Variants in MYRFL observed in about 807,000 individuals in gnomAD.
MYRFL encodes the protein myelin regulatory factor-like protein.
In MYRFL, 88 loss-of-function variants were observed where a neutral mutation model predicts 109.4. That is an observed-to-expected ratio of 0.80 (90% CI 0.68 to 0.96). The LOEUF is 0.96. MYRFL is among the 40% of genes least tolerant of loss of function. The pLI is 0.00. For synonymous variants in MYRFL, 324 were observed against 320.9 expected, an observed-to-expected ratio of 1.01 and a Z score of -0.10; for missense variants, 957 against 954.9, an observed-to-expected ratio of 1.00 and a Z score of -0.03.
intron 9 of MYRFL, among the ~76,000 whole-genome samples, chr12:69,895,917 G>A (rs945513679): frequency 7.2e-5 from 11 of 152,120 alleles, no homozygotes; most frequent in Non-Finnish European, 1.5e-4. Context: ...GTGTGGTTCC[G>A]GGACTAGCAG....
At chr12:69,858,181 C>T (rs1050864091) in intron 2 of MYRFL, among the ~76,000 whole-genome samples, 1 of 151,728 alleles carries the variant, frequency 6.6e-6, no homozygotes, top group Non-Finnish European at 1.5e-5. Flanking sequence ...TATTGAACTG[C>T]CTTGTATTCC....
At chr12:69,848,841 T>C (rs1471505059) in intron 1 of MYRFL, among the ~76,000 whole-genome samples, 2 of 152,212 alleles carry the variant, frequency 1.3e-5, no homozygotes, top group Non-Finnish European at 2.9e-5. Flanking sequence ...TTCTAAATCA[T>C]TAAACATGAC....
intron 2 of MYRFL, among the ~76,000 whole-genome samples, chr12:69,865,328 G>A (rs1349292533): frequency 6.6e-6 from 1 of 152,176 alleles, no homozygotes; most frequent in Non-Finnish European, 1.5e-5. Context: ...AGGAAACCCA[G>A]CAGGGTCTGT....
rs1234273774 is a variant in MYRFL at position 69,891,122 on chromosome 12, C to G, written c.859C>G (p.Leu287Val). 14 of 1,531,134 alleles carry G rather than the reference C, an allele frequency of 9.1e-6. No homozygotes were observed. Among genetic ancestry groups the G allele is most frequent in the Non-Finnish European group, 1.2e-5 (14 of 1,145,184 alleles). 94.8% of individuals were successfully genotyped at this position (1,531,134 alleles called of 1,614,324 possible). A position where few individuals can be genotyped will look rare whatever the true frequency, so the allele number is the denominator to read the frequency against. The change falls in exon 7 of 25, where the codon CTA becomes GTA. Residue 287 changes from leucine (L) to valine (V), a missense_variant. Leu to Val is a conservative substitution (Grantham distance 32, BLOSUM62 1). Coordinates refer to ENST00000552032, the MANE Select transcript of MYRFL (RefSeq NM_182530.3). ...AAAATTTGTTGAAACCGAGATGGGC[C>G]TAAAGCCAATAGAAATGTTTTACTT... ...SPKFVETEMG[L>V]KPIEMFYLKV...
In MYRFL at chr12:69,944,604, C is replaced by A. The variant is rs567140757; in HGVS notation, c.2225-7509C>A. On this transcript the variant is annotated intron_variant, in intron 19 of 24. Transcript: ENST00000552032. ...AGGCTAGATGACGAGTTAGTGGGTGCAGCACACCAGCATGGCACATGTATA... is the reference window on the plus strand; with the variant it reads ...AGGCTAGATGACGAGTTAGTGGGTGAAGCACACCAGCATGGCACATGTATA... 2.6e-5 allele frequency among the ~76,000 whole-genome samples: 4 copies of A among 151,070 alleles called. No individual in the cohort carries two copies. In the South Asian group the frequency reaches 8.4e-4, roughly 32 times the overall value.
chr12:69,936,481 G>A lies in MYRFL; in HGVS notation c.2073G>A (p.Pro691=), dbSNP rs771661387. Residue 691 remains proline (P), a synonymous_variant, in exon 19 of 25, where the codon CCG becomes CCA. Transcript: ENST00000552032. The part of the protein sequence containing the change: ...SAPNTSLVTT[P]ASLQVPEITF... Reference sequence around the variant, plus strand: ...CTAATACATCCCTGGTAACCACACCGGCCTCCTTACAAGTACCTGAAATTA... The same window carrying A: ...CTAATACATCCCTGGTAACCACACCAGCCTCCTTACAAGTACCTGAAATTA... The A allele has an allele frequency of 6.3e-5, 96 of 1,535,604 alleles. No individual in the cohort carries two copies. Among genetic ancestry groups the A allele is most frequent in the Non-Finnish European group, 4.6e-5 (53 of 1,146,790 alleles).
At chr12:69,845,945 A>G (rs538444044) in intron 1 of MYRFL, among the ~76,000 whole-genome samples, 2 of 152,114 alleles carry the variant, frequency 1.3e-5, no homozygotes, top group African/African-American at 4.8e-5. Context: ...TGCTCTTGAC[A>G]CCCTTCTAAA....
intron 16 of MYRFL, 39 bp from the exon 17 acceptor site, chr12:69,936,074 T>A (rs1388995789): frequency 1.4e-6 from 2 of 1,446,254 alleles, no homozygotes; most frequent in Admixed American, 5.3e-5. Flanking sequence ...ATCTGCCACA[T>A]AATGTTTTTT....
intron 8 of MYRFL, 56 bp downstream of exon 8, chr12:69,893,896 T>C (rs1887060811): frequency 5.8e-6 from 4 of 684,548 alleles, no homozygotes; most frequent in African/African-American, 5.7e-5. Context: ...AACACCTACT[T>C]TGTTTTTTAT....
intron 19 of MYRFL, among the ~76,000 whole-genome samples, chr12:69,945,986 CAAAAAAAAAAA>C (rs56988555): frequency 1.7e-4 from 7 of 42,340 alleles, no homozygotes; most frequent in African/African-American, 4.5e-4. Flanking sequence ...GACTCCGTCT[CAAAAAAAAAAA>C]AAAAAAAAAA....
Position 69,881,991 on chromosome 12 carries a change from C to CAAGTCACTCAAACCTTCCAAG in MYRFL, c.556+1702_556+1722dup, listed in dbSNP as rs1886147757. 1.3e-5 allele frequency among the ~76,000 whole-genome samples: 2 copies of CAAGTCACTCAAACCTTCCAAG among 152,162 alleles called. 1 individual carries two copies. The highest frequency in any genetic ancestry group is 4.1e-4 in the South Asian group (2 of 4,830). On this transcript the variant is annotated intron_variant, in intron 5 of 24. Coordinates refer to ENST00000552032, the MANE Select transcript of MYRFL (RefSeq NM_182530.3). ...CGCTAGCTCACTAAGGGATACAGGA[C>CAAGTCACTCAAACCTTCCAAG]AAGTCACTCAAACCTTCCAAGAATT...
At chr12:69,921,285 C>A (rs900507916) in intron 13 of MYRFL, among the ~76,000 whole-genome samples, 1 of 152,044 alleles carries the variant, frequency 6.6e-6, no homozygotes, top group Non-Finnish European at 1.5e-5. Flanking sequence ...TCAAGCAGTC[C>A]TCCCACCCTG....
intron 13 of MYRFL, among the ~76,000 whole-genome samples, chr12:69,917,922 A>G (rs1348308859): frequency 6.7e-6 from 1 of 149,660 alleles, no homozygotes; most frequent in African/African-American, 2.5e-5. Flanking sequence ...AAAAAAGTCC[A>G]GAAGGTGACT....
At chr12:69,915,478 C>A (rs951231485) in intron 13 of MYRFL, among the ~76,000 whole-genome samples, 2 of 152,246 alleles carry the variant, frequency 1.3e-5, no homozygotes, top group East Asian at 1.9e-4. Context: ...TACCTCACAA[C>A]CTGATGCCAA....
chr12:69,843,181 C>G (rs935607955), intron 1 of MYRFL, among the ~76,000 whole-genome samples: 16 of 143,770 alleles, frequency 1.1e-4, no homozygotes, highest in African/African-American at 3.9e-4. Context: ...TTTATCTCCT[C>G]TATCTTCTTT....
At chr12:69,868,383 G>T (rs953284153) in intron 2 of MYRFL, among the ~76,000 whole-genome samples, 3 of 152,070 alleles carry the variant, frequency 2.0e-5, no homozygotes, top group African/African-American at 7.2e-5. Flanking sequence ...AAAGTGCTGG[G>T]ATTACGGGCA....
chr12:69,837,268 T>G (rs1011572632), intron 1 of MYRFL, among the ~76,000 whole-genome samples: 2 of 152,166 alleles, frequency 1.3e-5, no homozygotes, highest in Admixed American at 1.3e-4. Context: ...GAAAATTGCC[T>G]CCCTTCTATC....
intron 15 of MYRFL, among the ~76,000 whole-genome samples, chr12:69,929,670 CAG>C (rs1566033359): frequency 1.3e-5 from 2 of 152,118 alleles, no homozygotes; most frequent in Non-Finnish European, 2.9e-5. Context: ...TCTTTAAAAA[CAG>C]ATAGTAAAAA....
intron 2 of MYRFL, among the ~76,000 whole-genome samples, chr12:69,868,890 ACACACGTACG>A (rs565468773): frequency 5.3e-5 from 8 of 152,084 alleles, no homozygotes; most frequent in Non-Finnish European, 8.8e-5. Context: ...ATGCACTCAC[ACACACGTACG>A]CACACGCGCA....
Sources: allele counts gnomAD v4.1 joint callset (sites outside exome capture counted in the v4.1 genomes callset), GRCh38; gene constraint gnomAD v4.1.1; transcripts MANE v1.5; gene names NCBI Gene and HGNC (gene_info 2026-07-23, HGNC 2026-07-21).